The following CDH17 variants were observed in gnomAD, a reference collection of about 807,000 sequenced individuals.
CDH17 encodes the protein cadherin 17.
In CDH17, 67 loss-of-function variants were observed where a neutral mutation model predicts 86.3. The ratio of observed to expected loss-of-function variants is 0.78; its 90% CI spans 0.64 to 0.95. CDH17 has a LOEUF of 0.95. CDH17 is among the 40% of genes least tolerant of loss of function. The pLI, the probability that CDH17 is intolerant of heterozygous loss-of-function variation, is 0.00. For synonymous variants in CDH17, 367 were observed against 366.4 expected (o/e 1.00, Z -0.02); for missense variants, 993 against 1,017.6 (o/e 0.98, Z 0.33).
intron 14 of CDH17, 86 bp downstream of exon 14, chr8:94,148,658 T>C: frequency 8.1e-7 from 1 of 1,227,964 alleles, no homozygotes. Flanking sequence ...CCCTGTCAGT[T>C]TTCTTATCCT....
chr8:94,215,880 A>G (rs1394188260), intron 1 of CDH17, among the ~76,000 whole-genome samples: 3 of 115,496 alleles, frequency 2.6e-5, no homozygotes, highest in African/African-American at 8.9e-5. Context: ...TTTTTTTTTT[A>G]ACTAATTTTA....
At chr8:94,178,118 G>A (rs192454237) in intron 3 of CDH17, among the ~76,000 whole-genome samples, 89 of 152,240 alleles carry the variant, frequency 5.8e-4, no homozygotes, top group African/African-American at 1.8e-3. Flanking sequence ...TAATAGACAC[G>A]TTAATGTTAA....
intron 1 of CDH17, among the ~76,000 whole-genome samples, chr8:94,199,541 G>C (rs931987623): frequency 1.3e-4 from 20 of 151,834 alleles, no homozygotes; most frequent in Non-Finnish European, 2.8e-4. Context: ...TAAAAGGAAT[G>C]CCTTATTTTG....
At chr8:94,175,287 GA>G (rs1377010979) in intron 5 of CDH17, among the ~76,000 whole-genome samples, 2 of 152,184 alleles carry the variant, frequency 1.3e-5, no homozygotes, top group Non-Finnish European at 2.9e-5. Context: ...TTCTATTAGT[GA>G]AGAGAGAAAA....
At chr8:94,155,943 G>T (rs557089804) in intron 12 of CDH17, among the ~76,000 whole-genome samples, 1 of 152,154 alleles carries the variant, frequency 6.6e-6, no homozygotes, top group African/African-American at 2.4e-5. Context: ...CATTATAAAC[G>T]GAAGATGCTA....
chr8:94,188,945 C>T (rs897372374), intron 3 of CDH17, among the ~76,000 whole-genome samples: 1 of 152,174 alleles, frequency 6.6e-6, no homozygotes, highest in African/African-American at 2.4e-5. Flanking sequence ...ACCAAGCTCC[C>T]TGCAGAGGGC....
chr8:94,200,545 T>G (rs891491812), intron 1 of CDH17, among the ~76,000 whole-genome samples: 19 of 135,374 alleles, frequency 1.4e-4, no homozygotes, highest in Non-Finnish European at 1.4e-4. Context: ...TTGTTTTTTT[T>G]TTTTTTTTTT....
intron 1 of CDH17, among the ~76,000 whole-genome samples, chr8:94,195,311 C>T (rs1461511194): frequency 6.6e-6 from 1 of 152,012 alleles, no homozygotes; most frequent in Non-Finnish European, 1.5e-5. Flanking sequence ...ATTCCTTTCA[C>T]TCCTATTATA....
At chr8:94,163,713 G>A (rs1023228659) in intron 10 of CDH17, among the ~76,000 whole-genome samples, 3 of 152,196 alleles carry the variant, frequency 2.0e-5, no homozygotes, top group Non-Finnish European at 2.9e-5. Flanking sequence ...CTCTAGAGCT[G>A]GTGCTCAATG....
At chr8:94,129,917 C>T (rs1313651909) in intron 17 of CDH17, among the ~76,000 whole-genome samples, 1 of 152,100 alleles carries the variant, frequency 6.6e-6, no homozygotes, top group East Asian at 1.9e-4. Context: ...GTCTCATCCC[C>T]AAGATATCTC....
At chr8:94,158,639 T>G (rs1812989915) in intron 12 of CDH17, among the ~76,000 whole-genome samples, 1 of 152,190 alleles carries the variant, frequency 6.6e-6, no homozygotes, top group African/African-American at 2.4e-5. Context: ...TCTCTCTCCA[T>G]GCAGACTGCT....
chr8:94,173,478 G>A (rs997060224), intron 7 of CDH17, among the ~76,000 whole-genome samples: 6 of 152,180 alleles, frequency 3.9e-5, no homozygotes, highest in Admixed American at 2.0e-4. Flanking sequence ...GCCCTCAACA[G>A]AAGCAGATGC....
intron 4 of CDH17, 22 bp downstream of exon 4, chr8:94,177,565 C>T (rs1244744489): frequency 1.2e-6 from 2 of 1,612,912 alleles, no homozygotes; most frequent in Admixed American, 3.3e-5. Flanking sequence ...GAGTTAGATC[C>T]CTTCAGCTGG....
At chr8:94,136,274 G>A (rs566491293) in intron 15 of CDH17, among the ~76,000 whole-genome samples, 31 of 152,264 alleles carry the variant, frequency 2.0e-4, no homozygotes, top group South Asian at 1.2e-3. Flanking sequence ...CATTCTCCCC[G>A]TCACTTTCAG....
chr8:94,183,066 T>A (rs1813512480), intron 3 of CDH17, among the ~76,000 whole-genome samples: 1 of 152,012 alleles, frequency 6.6e-6, no homozygotes, highest in Non-Finnish European at 1.5e-5. Context: ...ATGAAGCTTA[T>A]AAAATGGAAA....
intron 1 of CDH17, among the ~76,000 whole-genome samples, chr8:94,198,353 G>C (rs916101663): frequency 6.6e-6 from 1 of 152,086 alleles, no homozygotes. Context: ...AGTTAAACAA[G>C]ACATTACTGC....
chr8:94,144,967 T>G (rs2514799), intron 15 of CDH17, among the ~76,000 whole-genome samples: 125,139 of 152,118 alleles, frequency 0.82, 51,618 homozygotes, highest in Middle Eastern at 0.84. Context: ...ACTACTCCAC[T>G]CCCACTGGAA....
intron 5 of CDH17, 109 bp from the exon 6 acceptor site, chr8:94,174,369 G>C (rs920219216): frequency 9.3e-7 from 1 of 1,075,918 alleles, no homozygotes; most frequent in African/African-American, 1.6e-5. Context: ...ATAGGGAAAG[G>C]TATGACAATT....
At chr8:94,176,739 A>G in intron 4 of CDH17, 60 bp from the exon 5 acceptor site, 1 of 1,524,982 alleles carries the variant, frequency 6.6e-7, no homozygotes. Flanking sequence ...ACATGCCCAA[A>G]AATCACTTGA....
Sources: allele counts gnomAD v4.1 joint callset (sites outside exome capture counted in the v4.1 genomes callset), GRCh38; gene constraint gnomAD v4.1.1; transcripts MANE v1.5; gene names NCBI Gene and HGNC (gene_info 2026-07-23, HGNC 2026-07-21).